AZIN1: variants seen among roughly 807,000 people sequenced by gnomAD.
AZIN1 encodes the protein ornithine decarboxylase antizyme inhibitor.
A neutral mutation model predicts 47.4 loss-of-function variants in AZIN1; 12 were observed. The observed-to-expected ratio is 0.25, with a 90% CI of 0.16 to 0.41. AZIN1 has a LOEUF of 0.41. Ranked by LOEUF, AZIN1 falls within the 10% of genes least tolerant of loss-of-function variation. The pLI is 1.00. For synonymous variants in AZIN1, 155 were observed against 176.3 expected (o/e 0.88, Z 0.96); for missense variants, 410 against 532.4 (o/e 0.77, Z 2.26).
At chr8:102,856,171 T>C (rs895873627) in intron 2 of AZIN1, 1 of 151,748 alleles carries the variant, frequency 6.6e-6, no homozygotes, top group East Asian at 1.9e-4. Context: ...ACTTTTTGGA[T>C]TTCAGAATTC....
chr8:102,843,606 T>C lies in AZIN1; in HGVS notation c.47A>G (p.Asp16Gly), dbSNP rs1812363367. ...DDANYSVGLLDEGTNLGNVID... is the reference protein window; with the variant it reads ...DDANYSVGLLGEGTNLGNVID... ...AACATTTCCAAGGTTTGTTCCTTCA[T>C]CCAACAGGCCAACGGAGTAGTTTGC... The change falls in exon 3 of 12, where the codon GAT becomes GGT. Residue 16 changes from aspartate (D) to glycine (G), a missense_variant. Coordinates refer to ENST00000337198, the MANE Select transcript of AZIN1 (RefSeq NM_148174.4). The C allele has an allele frequency of 1.9e-6, 3 of 1,614,110 alleles. No homozygotes were observed. In the East Asian group the frequency reaches 6.7e-5, roughly 36 times the overall value.
intron 6 of AZIN1, among the ~76,000 whole-genome samples, chr8:102,835,886 C>T (rs868814524): frequency 6.6e-6 from 1 of 151,924 alleles, no homozygotes; most frequent in Non-Finnish European, 1.5e-5. Context: ...TATTGAAGTC[C>T]CCCAGAGTAA....
chr8:102,830,342 C>CA (rs1008191130), intron 9 of AZIN1: 2 of 145,884 alleles, frequency 1.4e-5, no homozygotes, highest in African/African-American at 5.3e-5. Flanking sequence ...GACAGTGAGA[C>CA]AGTGAGCCAA....
chr8:102,846,164 A>G (rs182635299), intron 2 of AZIN1, among the ~76,000 whole-genome samples: 2 of 152,304 alleles, frequency 1.3e-5, no homozygotes, highest in Admixed American at 6.5e-5. Flanking sequence ...TTAAGTCAGG[A>G]TAAGATAAAC....
intron 9 of AZIN1, among the ~76,000 whole-genome samples, chr8:102,832,346 C>T (rs147344918): frequency 1.7e-4 from 26 of 151,964 alleles, no homozygotes; most frequent in African/African-American, 6.3e-4. Context: ...TAATGTAAAA[C>T]AGTATTTCCT....
intron 5 of AZIN1, among the ~76,000 whole-genome samples, chr8:102,838,247 C>T (rs886128026): frequency 2.0e-5 from 3 of 152,008 alleles, no homozygotes; most frequent in African/African-American, 7.2e-5. Context: ...ACTTCATGTT[C>T]AAAAATAAAA....
chr8:102,863,332 C>T (rs1185712760), intron 1 of AZIN1, among the ~76,000 whole-genome samples: 1 of 152,228 alleles, frequency 6.6e-6, no homozygotes, highest in Admixed American at 6.5e-5. Flanking sequence ...CCCACAGCGC[C>T]GCCCGCCCGC....
At chr8:102,852,517 G>A (rs1046053256) in intron 2 of AZIN1, among the ~76,000 whole-genome samples, 1 of 152,112 alleles carries the variant, frequency 6.6e-6, no homozygotes, top group African/African-American at 2.4e-5. Flanking sequence ...AGAAGTTGCA[G>A]TGAGACTGAA....
intron 2 of AZIN1, among the ~76,000 whole-genome samples, chr8:102,845,817 GA>G (rs144395054): frequency 4.0e-5 from 6 of 150,342 alleles, no homozygotes; most frequent in Admixed American, 2.0e-4. Context: ...CTTTGAAATG[GA>G]AAAAAAAATA....
intron 1 of AZIN1, among the ~76,000 whole-genome samples, chr8:102,859,983 T>C (rs2570943): frequency 2.0e-3 from 298 of 152,264 alleles, no homozygotes; most frequent in African/African-American, 2.5e-3. Context: ...AAAAGGTGCA[T>C]AGGATAAGCA....
In AZIN1 at chr8:102,828,667, T is replaced by C; in HGVS notation, c.1247A>G (p.Gln416Arg). The change falls in exon 12 of 12, where the codon CAA (glutamine) becomes CGA (arginine). Residue 416 changes from glutamine (Q) to arginine (R), a missense_variant. Coordinates refer to ENST00000337198, the MANE Select transcript of AZIN1 (RefSeq NM_148174.4). ...TGAGTCTGAAGTAATTCCAGCATCT[T>C]GCATCTCATACCTACGTAGAAAAAA... ...MMSFSDWYEM[Q>R]DAGITSDSMM... 1 of 1,604,884 alleles carries C rather than the reference T, an allele frequency of 6.2e-7. No individual in the cohort carries two copies. The highest frequency in any genetic ancestry group is 8.5e-7 in the Non-Finnish European group (1 of 1,173,086).
chr8:102,829,970 T>C, intron 9 of AZIN1, 34 bp from the exon 10 acceptor site: 1 of 1,343,164 alleles, frequency 7.4e-7, no homozygotes, highest in Non-Finnish European at 1.1e-6. Flanking sequence ...AAATGAATTT[T>C]TAATAAAATG....
At chr8:102,862,941 T>C (rs1158313326) in intron 1 of AZIN1, among the ~76,000 whole-genome samples, 2 of 152,148 alleles carry the variant, frequency 1.3e-5, no homozygotes, top group African/African-American at 2.4e-5. Flanking sequence ...GTCAAGACAG[T>C]AGTTGATAAG....
At chr8:102,834,015 C>A (rs1281504268) in intron 8 of AZIN1, among the ~76,000 whole-genome samples, 174 bp downstream of exon 8, 1 of 151,818 alleles carries the variant, frequency 6.6e-6, no homozygotes, top group Non-Finnish European at 1.5e-5. Flanking sequence ...TTCTATCAAA[C>A]TTTTCAAAGT....
intron 1 of AZIN1, among the ~76,000 whole-genome samples, chr8:102,863,215 C>G (rs1376884579): frequency 6.6e-6 from 1 of 152,178 alleles, no homozygotes; most frequent in Non-Finnish European, 1.5e-5. Context: ...AGAGGGGGAC[C>G]GCGCTCCCCG....
intron 1 of AZIN1, among the ~76,000 whole-genome samples, 172 bp from the exon 2 acceptor site, chr8:102,858,322 C>A (rs1490171322): frequency 6.6e-6 from 1 of 152,180 alleles, no homozygotes; most frequent in Non-Finnish European, 1.5e-5. Flanking sequence ...GTACTTTATG[C>A]AGTAAACATT....
chr8:102,863,646 C>CG (rs1349036678), intron 1 of AZIN1, among the ~76,000 whole-genome samples, 161 bp downstream of exon 1: 1 of 144,340 alleles, frequency 6.9e-6, no homozygotes, highest in African/African-American at 2.5e-5. Context: ...CCGCCGCCGC[C>CG]GGGGGCACAG....
At chr8:102,847,151 A>G (rs1332698189) in intron 2 of AZIN1, among the ~76,000 whole-genome samples, 2 of 152,170 alleles carry the variant, frequency 1.3e-5, no homozygotes, top group Non-Finnish European at 2.9e-5. Flanking sequence ...TTCATTTGCT[A>G]TATTGGCAGT....
intron 3 of AZIN1, among the ~76,000 whole-genome samples, chr8:102,842,980 G>T (rs998519386): frequency 2.0e-5 from 3 of 152,022 alleles, no homozygotes; most frequent in Non-Finnish European, 2.9e-5. Context: ...ACTTCAGGAG[G>T]CTGAGGTGGG....
Sources: gnomAD v4.1 joint callset for allele counts (sites outside exome capture counted in the v4.1 genomes callset) on GRCh38, gnomAD v4.1.1 for gene constraint, MANE v1.5 for transcripts, NCBI Gene and HGNC (gene_info 2026-07-23, HGNC 2026-07-21) for gene names.